SLC22A6: variants seen among roughly 807,000 people sequenced by gnomAD.
SLC22A6 encodes PAH transporter.
In SLC22A6, 45 loss-of-function variants were observed where a neutral mutation model predicts 56.7. The ratio of observed to expected loss-of-function variants is 0.79; its 90% CI spans 0.63 to 1.02. The LOEUF is 1.02. SLC22A6 is among the 50% of genes least tolerant of loss of function. SLC22A6 has a pLI of 0.00. For missense variants in SLC22A6, 606 were observed against 713.8 expected, an observed-to-expected ratio of 0.85 and a Z score of 1.72; for synonymous variants, 291 against 295.9, an observed-to-expected ratio of 0.98 and a Z score of 0.17.
intron 3 of SLC22A6, 51 bp from the exon 4 acceptor site, chr11:62,982,061 A>G (rs760061447): frequency 6.4e-7 from 1 of 1,558,294 alleles, no homozygotes; most frequent in Non-Finnish European, 8.7e-7. Context: ...CTGCTGGGCT[A>G]GTAAAGGCCC....
chr11:62,977,180 C>G lies in SLC22A6; in HGVS notation c.1565+4G>C, dbSNP rs1449192913. On this transcript the variant is annotated splice_donor_region_variant and intron_variant, in intron 9 of 9. Transcript: ENST00000360421. ...TCCCTGCTTCTTTCTGAGTGGGGGC[C>G]CACCTGCTCTCCAGGTCCTGCACCG... 2.5e-6 allele frequency: 4 copies of G among 1,614,164 alleles called. No homozygotes were observed. The highest frequency in any genetic ancestry group is 3.4e-6 in the Non-Finnish European group (4 of 1,180,044).
chr11:62,981,390 G>T lies in SLC22A6; in HGVS notation c.798-7C>A. 6.4e-7 allele frequency: 1 copy of T among 1,551,708 alleles called. No homozygotes were observed. The highest frequency in any genetic ancestry group is 8.7e-7 in the Non-Finnish European group (1 of 1,145,100). On this transcript the variant is annotated splice_polypyrimidine_tract_variant and splice_region_variant and intron_variant, in intron 4 of 9. Coordinates refer to ENST00000360421, the MANE Select transcript of SLC22A6 (RefSeq NM_153276.3). ...GGCCGACTCAATGAAGAACCTGGGA[G>T]CGGGGGTGGGGGTGGGTGTCAGCAT... is the stretch of plus-strand genomic sequence containing the variant.
rs1319868479 is a variant in SLC22A6 at position 62,979,592 on chromosome 11, C to T, written c.1257G>A (p.Gln419=). ...CAGCAAGAGAGGTTCGGACAATGGA[C>T]TGGTCTAGAGAGAAAGAAGGGGGGA... ...ILLNGVIPQD[Q]SIVRTSLAVL... The change falls in exon 8 of 10, where the codon CAG becomes CAA. Residue 419 remains glutamine, a synonymous_variant. Coordinates refer to ENST00000360421, the MANE Select transcript of SLC22A6 (RefSeq NM_153276.3). 2.5e-6 allele frequency: 4 copies of T among 1,613,632 alleles called. No individual in the cohort carries two copies. Among genetic ancestry groups the T allele is most frequent in the Non-Finnish European group, 3.4e-6 (4 of 1,179,686 alleles).
chr11:62,979,862 C>A lies in SLC22A6; in HGVS notation c.1124G>T (p.Gly375Val). 1.9e-6 allele frequency: 3 copies of A among 1,614,192 alleles called. No homozygotes were observed. Among genetic ancestry groups the A allele is most frequent in the Non-Finnish European group, 2.5e-6 (3 of 1,180,024 alleles). ...AAGCTTGGCAGGCAGGTCCACAGCA[C>A]CAAAGATCACCTGGATTAGGTAGAT... ...VSIYLIQVIF[G>V]AVDLPAKLVG... is the part of the protein sequence containing the mutation. The change falls in exon 7 of 10, where the codon GGT becomes GTT. Residue 375 changes from glycine to valine, a missense_variant. By Grantham distance (109) the Gly-to-Val change is moderately radical (BLOSUM62 -3). Coordinates refer to ENST00000360421, the MANE Select transcript of SLC22A6 (RefSeq NM_153276.3).
chr11:62,983,836 T>G lies in SLC22A6; in HGVS notation c.473+108A>C, dbSNP rs2086284392. The G allele has an allele frequency of 1.7e-6, 2 of 1,184,420 alleles. No homozygotes were observed. Among genetic ancestry groups the G allele is most frequent in the Non-Finnish European group, 2.4e-6 (2 of 840,676 alleles). 73.4% of individuals were successfully genotyped at this position (1,184,420 alleles called of 1,614,324 possible). On this transcript the variant is annotated intron_variant, in intron 2 of 9. Transcript: ENST00000360421. The surrounding 1 kb of genome is among the most constrained non-coding windows in gnomAD (Gnocchi z 4.5). ...AGTATGAGGCTGGTGCTGTAGATCCTCAAACCAGCGCCGGCTGGCAATGCC... is the reference window on the plus strand; with the variant it reads ...AGTATGAGGCTGGTGCTGTAGATCCGCAAACCAGCGCCGGCTGGCAATGCC...
At position 62,981,996 on chromosome 11, in the gene SLC22A6, G is replaced by T; in HGVS notation, c.643C>A (p.Pro215Thr). The T allele has an allele frequency of 6.2e-7, 1 of 1,613,748 alleles. No homozygotes were observed. Among genetic ancestry groups the T allele is most frequent in the Non-Finnish European group, 8.5e-7 (1 of 1,179,852 alleles). Residue 215 changes from proline to threonine, a missense_variant, in exon 4 of 10, where the codon CCC becomes ACC. Pro to Thr is a conservative substitution (Grantham distance 38, BLOSUM62 -1). Coordinates refer to ENST00000360421, the MANE Select transcript of SLC22A6 (RefSeq NM_153276.3). ...CCCACGCAGGCCCGTGTGTGAATGG[G>T]CATCCACTCCACATCTGGAAAGAGG... The part of the protein sequence containing the change: ...NCMTLNVEWM[P>T]IHTRACVGTL...
rs776871922 is a variant in SLC22A6 at position 62,979,769 on chromosome 11, C to T, written c.1217G>A (p.Gly406Asp). The T allele has an allele frequency of 6.2e-7, 1 of 1,614,176 alleles. No individual in the cohort carries two copies. Among genetic ancestry groups the T allele is most frequent in the Non-Finnish European group, 8.5e-7 (1 of 1,180,024 alleles). ...PAQMAALLLA[G>D]ICILLNGVIP... ...CACCCCATTGAGCAGGATGCAGATG[C>T]CTGCCAGCAGCAGTGCAGCCATCTG... is the stretch of plus-strand genomic sequence containing the variant. The change falls in exon 7 of 10, where the codon GGC becomes GAC. Residue 406 changes from glycine to aspartate, a missense_variant. Physicochemically the swap from Gly to Asp is moderately conservative, Grantham distance 94. Coordinates refer to ENST00000360421, the MANE Select transcript of SLC22A6 (RefSeq NM_153276.3).
chr11:62,981,085 G>T lies in SLC22A6; in HGVS notation c.937C>A (p.Leu313Met), dbSNP rs1188126255. Residue 313 changes from leucine to methionine, a missense_variant, in exon 6 of 10, where the codon CTG becomes ATG. Coordinates refer to ENST00000360421, the MANE Select transcript of SLC22A6 (RefSeq NM_153276.3). ...TTGCCCATGGTCAGCTCCTTCTGCA[G>T]ACTGGCCCGGAGTACCTGCTGGGAC... Reference protein sequence around the residue: ...KLSMEVLRASLQKELTMGKGQ... With the variant: ...KLSMEVLRASMQKELTMGKGQ... 1 of 1,611,882 alleles carries T rather than the reference G, an allele frequency of 6.2e-7. No homozygotes were observed. The highest frequency in any genetic ancestry group is 1.3e-5 in the African/African-American group (1 of 74,918).
At position 62,983,471 on chromosome 11, in the gene SLC22A6, G is replaced by A. The variant is rs1160984444; in HGVS notation, c.628+66C>T. 1 of 1,510,970 alleles carries A rather than the reference G, an allele frequency of 6.6e-7. No homozygotes were observed. Among genetic ancestry groups the A allele is most frequent in the Non-Finnish European group, 9.0e-7 (1 of 1,115,402 alleles). 93.6% of individuals were successfully genotyped at this position (1,510,970 alleles called of 1,614,324 possible). On this transcript the variant is annotated intron_variant, in intron 3 of 9. Transcript: ENST00000360421. The surrounding 1 kb of genome is among the most constrained non-coding windows in gnomAD (Gnocchi z 4.5). ...GGGCTCAGGAGGGGCAGGCTGGGAG[G>A]GGAGGCTGGAAAGGGGTTGCTGGGC... is the stretch of plus-strand genomic sequence containing the variant.
In SLC22A6 at chr11:62,984,659, C is replaced by G; in HGVS notation, c.32G>C (p.Gly11Ala). Residue 11 changes from glycine to alanine, a missense_variant, in exon 1 of 10, where the codon GGG becomes GCG. By Grantham distance (60) the Gly-to-Ala change is moderately conservative. Coordinates refer to ENST00000360421, the MANE Select transcript of SLC22A6 (RefSeq NM_153276.3). ...GATCTGCTGGAAGCGGCCGACACCC[C>G]CCACCTGCTGCAGGAGGTCATTAAA... MAFNDLLQQV[G>A]GVGRFQQIQV... is the part of the protein sequence containing the mutation. 2 of 1,613,568 alleles carry G rather than the reference C, an allele frequency of 1.2e-6. No individual in the cohort carries two copies. The highest frequency in any genetic ancestry group is 2.2e-5 in the South Asian group (2 of 91,014).
At chr11:62,981,732 C>T (rs2086257649) in intron 4 of SLC22A6, 110 bp downstream of exon 4, 2 of 1,161,376 alleles carry the variant, frequency 1.7e-6, no homozygotes, top group East Asian at 5.2e-5. Context: ...CTGGGTTTGA[C>T]CTTCTCTACA....
Position 62,984,840 on chromosome 11 carries a change from T to TC in SLC22A6, c.-151_-150insG. On this transcript the variant is annotated 5_prime_UTR_variant, in exon 1 of 10. Coordinates refer to ENST00000360421, the MANE Select transcript of SLC22A6 (RefSeq NM_153276.3). ...TCCGGGAGCTGAGTCCGAGCTGCTC[T>TC]GTGGGGGGACAGCAGCCTCCTTGGC... The TC allele has an allele frequency of 1.3e-6, 1 of 760,020 alleles. No individual in the cohort carries two copies. The highest frequency in any genetic ancestry group is 2.1e-6 in the Non-Finnish European group (1 of 481,780). 47.1% of individuals were successfully genotyped at this position (760,020 alleles called of 1,614,324 possible). A position where few individuals can be genotyped will look rare whatever the true frequency, so the allele number is the denominator to read the frequency against.
At position 62,981,251 on chromosome 11, in the gene SLC22A6, G is replaced by A. The variant is rs1212616907; in HGVS notation, c.921+9C>T. ...GGAGGTTATCATGGGAAGTCTCAGG[G>A]GATCTCACCTCCATACTCAATTTGG... is the stretch of plus-strand genomic sequence containing the variant. On this transcript the variant is annotated intron_variant, in intron 5 of 9. Transcript: ENST00000360421. 1.2e-6 allele frequency: 2 copies of A among 1,609,834 alleles called. No individual in the cohort carries two copies. The highest frequency in any genetic ancestry group is 1.1e-5 in the South Asian group (1 of 89,978).
At chr11:62,976,936 G>A (rs1475455874) in intron 9 of SLC22A6, 55 bp from the exon 10 acceptor site, 33 of 1,584,736 alleles carry the variant, frequency 2.1e-5, no homozygotes, top group Middle Eastern at 1.9e-4. Context: ...GGCCAGGGCC[G>A]GGATATGGAG....
chr11:62,982,702 G>A (rs1325917362), intron 3 of SLC22A6, among the ~76,000 whole-genome samples: 4 of 152,190 alleles, frequency 2.6e-5, no homozygotes, highest in Admixed American at 2.6e-4. Flanking sequence ...TGGGAAACAT[G>A]GGGTAAGCGG....
chr11:62,984,756 C>A lies in SLC22A6; in HGVS notation c.-66G>T. On this transcript the variant is annotated 5_prime_UTR_variant, in exon 1 of 10. Transcript: ENST00000360421. ...CAGTCCCAGGACCTCTGTCTGTCTG[C>A]CTGCCTGCTGTCCTTCGCTGGAGGA... 6.6e-7 allele frequency: 1 copy of A among 1,516,852 alleles called. No homozygotes were observed. Among genetic ancestry groups the A allele is most frequent in the Non-Finnish European group, 8.8e-7 (1 of 1,133,830 alleles). The allele number at this position is 1,516,852 out of a possible 1,614,324, so 94.0% of individuals were successfully genotyped here.
intron 6 of SLC22A6, 129 bp from the exon 7 acceptor site, chr11:62,980,077 C>A: frequency 1.5e-6 from 1 of 659,270 alleles, no homozygotes; most frequent in Non-Finnish European, 2.7e-6. Flanking sequence ...GCTAATATTT[C>A]TTCATTTAAC....
At chr11:62,978,479 C>G (rs1352607046) in intron 8 of SLC22A6, among the ~76,000 whole-genome samples, 1 of 151,764 alleles carries the variant, frequency 6.6e-6, no homozygotes, top group Non-Finnish European at 1.5e-5. Context: ...TCCTGAGTAG[C>G]TGGGACTACA....
rs746271227 is a variant in SLC22A6, at chr11:62,983,681, G to A, written c.484C>T (p.Arg162Trp). The A allele has an allele frequency of 9.3e-6, 15 of 1,610,582 alleles. No individual in the cohort carries two copies. The highest frequency in any genetic ancestry group is 4.5e-5 in the East Asian group (2 of 44,826). ...AGGTAGTTCAAGATGAGTACCTTCCGGCGGCCTAGCCTGTGGGAGGAGGGG... is the reference window on the plus strand; with the variant it reads ...AGGTAGTTCAAGATGAGTACCTTCCAGCGGCCTAGCCTGTGGGAGGAGGGG... The part of the protein sequence containing the change: ...FGYLADRLGR[R>W]KVLILNYLQT... Residue 162 changes from arginine to tryptophan, a missense_variant, in exon 3 of 10, where the codon CGG becomes TGG. By Grantham distance (101) the Arg-to-Trp change is moderately radical. Coordinates refer to ENST00000360421, the MANE Select transcript of SLC22A6 (RefSeq NM_153276.3). This position sits in a 1 kb window ranked among gnomAD's most constrained non-coding sequence, Gnocchi z 4.5.
Sources: gnomAD v4.1 joint callset for allele counts (sites outside exome capture counted in the v4.1 genomes callset) on GRCh38, gnomAD v4.1.1 for gene constraint, Gnocchi (gnomAD v3.1) non-coding constraint, MANE v1.5 for transcripts, NCBI Gene and HGNC (gene_info 2026-07-23, HGNC 2026-07-21) for gene names.